Variants in HYDIN observed in about 807,000 individuals in gnomAD.
HYDIN encodes the protein axonemal central pair apparatus protein HYDIN.
Under a neutral mutation model 403.9 loss-of-function variants are expected in HYDIN, and 132 were observed. The ratio of observed to expected loss-of-function variants is 0.33; its 90% CI spans 0.28 to 0.38. The LOEUF is 0.38. Among genes scored for constraint, HYDIN ranks in the 10% least tolerant of loss-of-function variants. The pLI is 1.00. For missense variants in HYDIN, 2,827 were observed against 5,009.5 expected, an observed-to-expected ratio of 0.56 and a Z score of 13.15; for synonymous variants, 1,202 against 1,891.7, an observed-to-expected ratio of 0.64 and a Z score of 9.46.
chr16:70,981,628 A>G, intron 28 of HYDIN, 60 bp from the exon 29 acceptor site: 3 of 1,479,214 alleles, frequency 2.0e-6, no homozygotes, highest in Non-Finnish European at 2.7e-6. Flanking sequence ...GGTTCAACTC[A>G]TTAAATTACT....
At chr16:70,927,912 C>T (rs1378178450) in intron 45 of HYDIN, among the ~76,000 whole-genome samples, 1 of 148,430 alleles carries the variant, frequency 6.7e-6, no homozygotes, top group African/African-American at 2.5e-5. Context: ...TTCGGACAAG[C>T]AAAACTTGAG....
At chr16:70,954,889 G>A (rs1044399249) in intron 40 of HYDIN, among the ~76,000 whole-genome samples, 2 of 152,136 alleles carry the variant, frequency 1.3e-5, no homozygotes, top group Admixed American at 6.5e-5. Context: ...CCTAATTTAT[G>A]ACCAGTTTCC....
At chr16:70,847,765 G>A (rs1248367097) in intron 75 of HYDIN, among the ~76,000 whole-genome samples, 1 of 151,450 alleles carries the variant, frequency 6.6e-6, no homozygotes, top group Non-Finnish European at 1.5e-5. Flanking sequence ...GTCTAGGTGT[G>A]GATTTTTTTG....
At chr16:70,910,104 A>G (rs1378899533) in intron 47 of HYDIN, among the ~76,000 whole-genome samples, 4 of 151,596 alleles carry the variant, frequency 2.6e-5, no homozygotes, top group African/African-American at 7.3e-5. Context: ...TCTATTTTTT[A>G]TAGGTTATTG....
At chr16:71,212,889 C>T (rs2088672283) in intron 1 of HYDIN, among the ~76,000 whole-genome samples, 1 of 152,042 alleles carries the variant, frequency 6.6e-6, no homozygotes, top group Non-Finnish European at 1.5e-5. Context: ...TATCTAGACT[C>T]ATCCTAGTGA....
At chr16:71,016,163 G>T (rs1395658083) in intron 23 of HYDIN, among the ~76,000 whole-genome samples, 1 of 152,154 alleles carries the variant, frequency 6.6e-6, no homozygotes, top group African/African-American at 2.4e-5. Context: ...GCGCAGCAAA[G>T]GAAAGAATAG....
intron 23 of HYDIN, among the ~76,000 whole-genome samples, chr16:70,994,307 ATGGATGGG>A (rs1433063504): frequency 1.5e-5 from 2 of 137,834 alleles, no homozygotes; most frequent in South Asian, 2.4e-4. Flanking sequence ...GGATGGATGG[ATGGATGGG>A]TGTGTGGAAT....
intron 18 of HYDIN, among the ~76,000 whole-genome samples, chr16:71,044,742 T>C (rs528714770): frequency 3.6e-5 from 5 of 140,300 alleles, no homozygotes; most frequent in African/African-American, 1.0e-4. Context: ...TTCTAAAATT[T>C]ACTTTTTATT....
At chr16:71,190,993 AG>A (rs2087407813) in intron 1 of HYDIN, among the ~76,000 whole-genome samples, 2 of 152,200 alleles carry the variant, frequency 1.3e-5, no homozygotes, top group Admixed American at 1.3e-4. Flanking sequence ...GAGAAGGGTG[AG>A]AAGGAGAAAA....
In HYDIN at chr16:70,810,700, C is replaced by T. The variant is rs144508784; in HGVS notation, c.14659-693G>A. Among the ~76,000 whole-genome samples the T allele has an allele frequency of 1.1e-3, 163 of 152,092 alleles. 2 individuals carry two copies. The East Asian group carries it at 0.024, about 22-fold the overall frequency. ...GAAAAATTAGCTGGGCGCAGTGGTG[C>T]GCACCTGTAGTCCCAGCTACTCGGG... On this transcript the variant is annotated intron_variant, in intron 84 of 85. Coordinates refer to ENST00000393567, the MANE Select transcript of HYDIN (RefSeq NM_001270974.2).
At chr16:70,977,551 C>A (rs1319989135) in intron 30 of HYDIN, among the ~76,000 whole-genome samples, 3 of 151,502 alleles carry the variant, frequency 2.0e-5, no homozygotes, top group East Asian at 1.9e-4. Context: ...CTTTCTCCCC[C>A]ACATTAGAGC....
chr16:70,926,111 G>T (rs1172030622), intron 45 of HYDIN, among the ~76,000 whole-genome samples: 2 of 148,548 alleles, frequency 1.3e-5, no homozygotes, highest in East Asian at 2.0e-4. Flanking sequence ...CCATTACTGG[G>T]TATATACCCA....
At chr16:71,032,154 A>G (rs1056485203) in intron 18 of HYDIN, among the ~76,000 whole-genome samples, 2 of 152,118 alleles carry the variant, frequency 1.3e-5, no homozygotes, top group African/African-American at 4.8e-5. Flanking sequence ...AAGATTCTTT[A>G]CATCTCTTTC....
At position 70,941,761 on chromosome 16, in the gene HYDIN, T is replaced by C. The variant is rs1567873021; in HGVS notation, c.6728A>G (p.Asn2243Ser). ...CAGGCAGAGGAGGGCGGCTGCAGCATTCTGAGCAAAGAGAGTGTCGAGGCC... is the reference window on the plus strand; with the variant it reads ...CAGGCAGAGGAGGGCGGCTGCAGCACTCTGAGCAAAGAGAGTGTCGAGGCC... ...FDGLDTLFAQNAAAALLCLLK... is the reference protein window; with the variant it reads ...FDGLDTLFAQSAAAALLCLLK... The change falls in exon 43 of 86, where the codon AAT (asparagine) becomes AGT (serine). Residue 2243 changes from asparagine (N) to serine (S), a missense_variant. Physicochemically the swap from Asn to Ser is conservative, Grantham distance 46. Transcript: ENST00000393567. The C allele has an allele frequency of 1.3e-6, 2 of 1,592,608 alleles. No individual in the cohort carries two copies. Among genetic ancestry groups the C allele is most frequent in the Non-Finnish European group, 1.7e-6 (2 of 1,170,830 alleles).
At chr16:71,047,327 C>G (rs2081482301) in intron 18 of HYDIN, among the ~76,000 whole-genome samples, 1 of 152,002 alleles carries the variant, frequency 6.6e-6, no homozygotes. Context: ...AAGTAACACT[C>G]TATCAATAGC....
intron 85 of HYDIN, among the ~76,000 whole-genome samples, chr16:70,808,806 GT>G (rs1424015893): frequency 4.6e-5 from 7 of 152,178 alleles, no homozygotes; most frequent in Non-Finnish European, 7.4e-5. Flanking sequence ...GTCCTGTGAA[GT>G]TTTGTTCCAT....
chr16:71,186,840 T>C lies in HYDIN; in HGVS notation c.56A>G (p.Asn19Ser), dbSNP rs764041571. The C allele has an allele frequency of 1.2e-6, 2 of 1,613,350 alleles. No homozygotes were observed. The highest frequency in any genetic ancestry group is 1.3e-5 in the African/African-American group (1 of 75,002). ...CTTGCTTTGAAATCCTTTGAACATA[T>C]TGACCAATCCCATCTGAACAGCCCC... ...SMGAVQMGLV[N>S]MFKGFQSKVL... Residue 19 changes from asparagine to serine, a missense_variant, in exon 2 of 86, where the codon AAT becomes AGT. Physicochemically the swap from Asn to Ser is conservative, Grantham distance 46. Coordinates refer to ENST00000393567, the MANE Select transcript of HYDIN (RefSeq NM_001270974.2).
intron 10 of HYDIN, among the ~76,000 whole-genome samples, chr16:71,094,437 T>C (rs2083211314): frequency 6.6e-6 from 1 of 152,270 alleles, no homozygotes; most frequent in African/African-American, 2.4e-5. Flanking sequence ...CATGTCATTA[T>C]GGTTGGTAAC....
chr16:71,158,170 C>A lies in HYDIN; in HGVS notation c.716+4361G>T, dbSNP rs572867602. Reference sequence around the variant, plus strand: ...ACATGTACCTGAGGGCAAACAAGCCCAGAGCTAGCCCATGTTTGCACGAAT... The same window carrying A: ...ACATGTACCTGAGGGCAAACAAGCCAAGAGCTAGCCCATGTTTGCACGAAT... On this transcript the variant is annotated intron_variant, in intron 6 of 85. Transcript: ENST00000393567. Among the ~76,000 whole-genome samples, 83 of 152,292 alleles carry A rather than the reference C, an allele frequency of 5.5e-4. 1 individual carries two copies. In the East Asian group the frequency reaches 0.015, roughly 28 times the overall value.
Sources: allele counts gnomAD v4.1 joint callset (sites outside exome capture counted in the v4.1 genomes callset), GRCh38; gene constraint gnomAD v4.1.1; transcripts MANE v1.5; gene names NCBI Gene and HGNC (gene_info 2026-07-23, HGNC 2026-07-21).